The following MLX variants were observed in gnomAD, a reference collection of about 807,000 sequenced individuals.
The protein encoded by MLX is MAX dimerization protein MLX.
A neutral mutation model predicts 33.0 loss-of-function variants in MLX; 15 were observed. That is an observed-to-expected ratio of 0.45 (90% CI 0.30 to 0.70). The LOEUF is 0.70. MLX is among the 30% of genes least tolerant of loss of function. The pLI, the probability that MLX is intolerant of heterozygous loss-of-function variation, is 0.07. For synonymous variants in MLX, 115 were observed against 115.6 expected (o/e 0.99, Z 0.03); for missense variants, 285 against 306.3 (o/e 0.93, Z 0.52).
chr17:42,567,446 C>T (rs980035429), intron 1 of MLX, 173 bp from the exon 2 acceptor site: 10 of 1,385,002 alleles, frequency 7.2e-6, no homozygotes, highest in African/African-American at 2.9e-5. Context: ...CTGTGCCAGT[C>T]TCGGGGGACT....
chr17:42,567,544 C>G, intron 1 of MLX, 75 bp from the exon 2 acceptor site: 5 of 1,604,506 alleles, frequency 3.1e-6, no homozygotes, highest in Non-Finnish European at 4.3e-6. Flanking sequence ...GCGCGCTGTG[C>G]GTGCCTGCAG....
At chr17:42,567,571 C>G (rs748334404) in intron 1 of MLX, 48 bp from the exon 2 acceptor site, 27 of 1,612,992 alleles carry the variant, frequency 1.7e-5, no homozygotes, top group Middle Eastern at 3.4e-4. Context: ...GGGCGCCTCC[C>G]CCTAGGGGCG....
intron 7 of MLX, 31 bp from the exon 8 acceptor site, chr17:42,571,516 T>C (rs1297620184): frequency 3.7e-6 from 6 of 1,611,378 alleles, no homozygotes; most frequent in Non-Finnish European, 2.5e-6. Flanking sequence ...ACTTGGGCAT[T>C]GTCTATTTCT....
At position 42,572,927 on chromosome 17, in the gene MLX, C is replaced by G; in HGVS notation, c.*1324C>G. The G allele has an allele frequency of 1.2e-6, 2 of 1,606,410 alleles. No individual in the cohort carries two copies. The highest frequency in any genetic ancestry group is 1.7e-6 in the Non-Finnish European group (2 of 1,173,704). ...AGCCAGTGCAAGACATCTCACTCTT[C>G]TGACATCCTGCAGTCCCCACCAGTC... On this transcript the variant is annotated 3_prime_UTR_variant, in exon 8 of 8. Coordinates refer to ENST00000435881, the MANE Select transcript of MLX (RefSeq NM_198204.2).
Position 42,572,997 on chromosome 17 carries a change from C to T in MLX, c.*1394C>T. 1 of 1,614,250 alleles carries T rather than the reference C, an allele frequency of 6.2e-7. No individual in the cohort carries two copies. The highest frequency in any genetic ancestry group is 8.5e-7 in the Non-Finnish European group (1 of 1,180,050). On this transcript the variant is annotated 3_prime_UTR_variant, in exon 8 of 8. Coordinates refer to ENST00000435881, the MANE Select transcript of MLX (RefSeq NM_198204.2). ...GGGTCTGGGAGTGTGACGTTGTAAT[C>T]TTCATCCGTCTCTATCCCAACTTCC...
chr17:42,568,746 C>A, intron 3 of MLX, 91 bp from the exon 4 acceptor site: 1 of 1,213,546 alleles, frequency 8.2e-7, no homozygotes, highest in Non-Finnish European at 1.2e-6. Context: ...CTTCTCTGGA[C>A]ACCAGGTTCT....
At position 42,568,925 on chromosome 17, in the gene MLX, G is replaced by A; in HGVS notation, c.258G>A (p.Lys86=). 1.2e-6 allele frequency: 2 copies of A among 1,609,612 alleles called. No individual in the cohort carries two copies. Among genetic ancestry groups the A allele is most frequent in the South Asian group, 1.1e-5 (1 of 90,390 alleles). The change falls in exon 4 of 8, where the codon AAG becomes AAA. Residue 86 remains lysine (K), a synonymous_variant. Coordinates refer to ENST00000435881, the MANE Select transcript of MLX (RefSeq NM_198204.2). The stretch of plus-strand genomic sequence containing the variant: ...GCGCACACACTCAGGCTGAGCAGAA[G>A]AGGAGGGACGCCATCAAGGTGAACA... ...RRRAHTQAEQ[K]RRDAIKRGYD...
At chr17:42,570,629 T>C (rs2093027015) in intron 7 of MLX, among the ~76,000 whole-genome samples, 1 of 152,192 alleles carries the variant, frequency 6.6e-6, no homozygotes, top group South Asian at 2.1e-4. Context: ...GGTTTTAAAC[T>C]TGTGTCTGAG....
At position 42,570,143 on chromosome 17, in the gene MLX, C is replaced by G. The variant is rs1248932634; in HGVS notation, c.638C>G (p.Ala213Gly). The G allele has an allele frequency of 6.2e-7, 1 of 1,614,070 alleles. No individual in the cohort carries two copies. The highest frequency in any genetic ancestry group is 8.5e-7 in the Non-Finnish European group (1 of 1,180,032). ...GTGGCCAGCTTCCAGGAGCTGTCAG[C>G]GTGTGTCTTCAGCTGGATCGAGGAG... Reference protein sequence around the residue: ...ISVASFQELSACVFSWIEEHC... With the variant: ...ISVASFQELSGCVFSWIEEHC... Residue 213 changes from alanine (A) to glycine (G), a missense_variant, in exon 7 of 8, where the codon GCG becomes GGG. Ala to Gly is a moderately conservative substitution (Grantham distance 60). Transcript: ENST00000435881.
At position 42,572,564 on chromosome 17, in the gene MLX, G is replaced by A. The variant is rs555252817; in HGVS notation, c.*961G>A. On this transcript the variant is annotated 3_prime_UTR_variant, in exon 8 of 8. Transcript: ENST00000435881. ...GAAGCCGTGGGCCCTCCAAATGCTC[G>A]TTTTATAGCAACCTCTCTCTACCCT... 44 of 453,290 alleles carry A rather than the reference G, an allele frequency of 9.7e-5. No individual in the cohort carries two copies. The East Asian group carries it at 2.0e-3, about 21-fold the overall frequency. The allele number at this position is 453,290 out of a possible 1,614,324, so 28.1% of individuals were successfully genotyped here. A position where few individuals can be genotyped will look rare whatever the true frequency, so the allele number is the denominator to read the frequency against.
At chr17:42,571,414 A>C in intron 7 of MLX, 133 bp from the exon 8 acceptor site, 1 of 938,486 alleles carries the variant, frequency 1.1e-6, no homozygotes. Context: ...GGCGTGAGCC[A>C]CCACACCTGG....
In MLX at chr17:42,572,128, G is replaced by A. The variant is rs1384521216; in HGVS notation, c.*525G>A. On this transcript the variant is annotated 3_prime_UTR_variant, in exon 8 of 8. Coordinates refer to ENST00000435881, the MANE Select transcript of MLX (RefSeq NM_198204.2). Reference sequence around the variant, plus strand: ...AAAGGGCACCTTGTGCCTAGACTAGGGCTGCCTGGTCAGTCCCAGGTGAGG... The same window carrying A: ...AAAGGGCACCTTGTGCCTAGACTAGAGCTGCCTGGTCAGTCCCAGGTGAGG... 3.3e-6 allele frequency: 1 copy of A among 300,416 alleles called. No individual in the cohort carries two copies. Among genetic ancestry groups the A allele is most frequent in the Non-Finnish European group, 6.5e-6 (1 of 153,670 alleles). The allele number at this position is 300,416 out of a possible 1,614,324, so 18.6% of individuals were successfully genotyped here.
chr17:42,572,344 A>G lies in MLX; in HGVS notation c.*741A>G. The stretch of plus-strand genomic sequence containing the variant: ...GAAATTTTTTATTTTTCTAAATACC[A>G]ATGCAGTTTTGCTACGGTTACAATT... On this transcript the variant is annotated 3_prime_UTR_variant, in exon 8 of 8. Transcript: ENST00000435881. The G allele has an allele frequency of 4.4e-6, 2 of 454,494 alleles. No individual in the cohort carries two copies. The highest frequency in any genetic ancestry group is 8.8e-6 in the Non-Finnish European group (2 of 226,740). The allele number at this position is 454,494 out of a possible 1,614,324, so 28.2% of individuals were successfully genotyped here.
Position 42,568,485 on chromosome 17 carries a change from G to C in MLX, c.95G>C (p.Ser32Thr). ...TCTTTTCCAGGGCTTTTTGTAGAAA[G>C]CACCCGCAAGGGGAGTGTAGTGTCC... ...NSLDPGLFVE[S>T]TRKGSVVSRA... The change falls in exon 3 of 8, where the codon AGC becomes ACC. Residue 32 changes from serine to threonine, a missense_variant. By Grantham distance (58) the Ser-to-Thr change is moderately conservative. Transcript: ENST00000435881. 6.2e-7 allele frequency: 1 copy of C among 1,613,856 alleles called. No homozygotes were observed. The highest frequency in any genetic ancestry group is 8.5e-7 in the Non-Finnish European group (1 of 1,179,844).
Position 42,572,442 on chromosome 17 carries a change from T to C in MLX, c.*839T>C. The C allele has an allele frequency of 2.2e-6, 1 of 454,686 alleles. No individual in the cohort carries two copies. The highest frequency in any genetic ancestry group is 1.6e-5 in the South Asian group (1 of 64,480). The allele number at this position is 454,686 out of a possible 1,614,324, so 28.2% of individuals were successfully genotyped here. On this transcript the variant is annotated 3_prime_UTR_variant, in exon 8 of 8. Coordinates refer to ENST00000435881, the MANE Select transcript of MLX (RefSeq NM_198204.2). ...CTTGGCCTCTCCCATGTCTCAGTGTTGCCTGCATTTCTCCCAGGACTTGGG... is the reference window on the plus strand; with the variant it reads ...CTTGGCCTCTCCCATGTCTCAGTGTCGCCTGCATTTCTCCCAGGACTTGGG...
intron 3 of MLX, 34 bp downstream of exon 3, chr17:42,568,593 C>G: frequency 6.4e-7 from 1 of 1,555,826 alleles, no homozygotes; most frequent in Non-Finnish European, 8.9e-7. Context: ...CCTCGGGGGG[C>G]TCAGATATGT....
chr17:42,568,706 C>T, intron 3 of MLX, 131 bp from the exon 4 acceptor site: 1 of 1,069,138 alleles, frequency 9.4e-7, no homozygotes, highest in Non-Finnish European at 1.4e-6. Context: ...TTCACCTCAT[C>T]TGGAACATTA....
chr17:42,569,404 C>A, intron 5 of MLX, 101 bp downstream of exon 5: 1 of 1,498,070 alleles, frequency 6.7e-7, no homozygotes, highest in Non-Finnish European at 9.3e-7. Context: ...GTGGTGATTG[C>A]CATGGGATAG....
In MLX at chr17:42,569,452, C is replaced by T. The variant is rs1397270709; in HGVS notation, c.377-55C>T. 29 of 1,542,910 alleles carry T rather than the reference C, an allele frequency of 1.9e-5. 1 individual carries two copies. Among genetic ancestry groups the T allele is most frequent in the Non-Finnish European group, 2.3e-5 (26 of 1,116,070 alleles). On this transcript the variant is annotated intron_variant, in intron 5 of 7. Coordinates refer to ENST00000435881, the MANE Select transcript of MLX (RefSeq NM_198204.2). ...GTAAGGGGAACAAAGTCAGCCTTAT[C>T]TTCTTGGTTGAGAATACTTCTGTAC...
Sources: gnomAD v4.1 joint callset for allele counts (sites outside exome capture counted in the v4.1 genomes callset) on GRCh38, gnomAD v4.1.1 for gene constraint, MANE v1.5 for transcripts, NCBI Gene and HGNC (gene_info 2026-07-23, HGNC 2026-07-21) for gene names.